Variants in LRP1 observed in about 807,000 individuals in gnomAD.
LRP1 encodes the protein prolow-density lipoprotein receptor-related protein 1.
Under a neutral mutation model 541.5 loss-of-function variants are expected in LRP1, and 51 were observed. That is an observed-to-expected ratio of 0.09 (90% CI 0.08 to 0.12). The LOEUF is 0.12. Ranked by LOEUF, LRP1 falls within the 10% of genes least tolerant of loss-of-function variation. The pLI, the probability that LRP1 is intolerant of heterozygous loss-of-function variation, is 1.00. For missense variants in LRP1, 3,878 were observed against 6,376.2 expected (o/e 0.61, Z 13.34); for synonymous variants, 2,219 against 2,470.8 (o/e 0.90, Z 3.02).
Position 57,179,211 on chromosome 12 carries a change from C to T in LRP1, c.4739-118C>T, listed in dbSNP as rs1021946745. The T allele has an allele frequency of 3.9e-5, 46 of 1,167,566 alleles. No individual in the cohort carries two copies. The highest frequency in any genetic ancestry group is 5.1e-5 in the Non-Finnish European group (42 of 817,018). 72.3% of individuals were successfully genotyped at this position (1,167,566 alleles called of 1,614,324 possible). A position where few individuals can be genotyped will look rare whatever the true frequency, so the allele number is the denominator to read the frequency against. ...GGGGCTGCACCCAGCGGGGTATGTCCACGGAGCCAAGGGCCAGTAGCAAAC... is the reference window on the plus strand; with the variant it reads ...GGGGCTGCACCCAGCGGGGTATGTCTACGGAGCCAAGGGCCAGTAGCAAAC... On this transcript the variant is annotated intron_variant, in intron 28 of 88. Transcript: ENST00000243077. The surrounding 1 kb of genome is among the most constrained non-coding windows in gnomAD (Gnocchi z 6.8).
In LRP1 at chr12:57,198,323, G is replaced by A. The variant is rs1419496545; in HGVS notation, c.9450G>A (p.Leu3150=). ...CTGGCCTCCGTGAGCCCAGGGCTCTGGTGGTGGATGTGCAGAATGGGTATG... is the reference window on the plus strand; with the variant it reads ...CTGGCCTCCGTGAGCCCAGGGCTCTAGTGGTGGATGTGCAGAATGGGTATG... The part of the protein sequence containing the change: ...VSSGLREPRA[L]VVDVQNGYLY... The change falls in exon 59 of 89, where the codon CTG becomes CTA. Residue 3150 remains leucine, a synonymous_variant. Transcript: ENST00000243077. 6.2e-7 allele frequency: 1 copy of A among 1,613,666 alleles called. No individual in the cohort carries two copies. Among genetic ancestry groups the A allele is most frequent in the South Asian group, 1.1e-5 (1 of 91,058 alleles).
chr12:57,197,724 C>A lies in LRP1; in HGVS notation c.9282+60C>A. ...CCGCCTCAGATGACTGTTTTCAGAT[C>A]GTCTCTCCTTCCCGCCCCACCAACC... On this transcript the variant is annotated intron_variant, in intron 58 of 88. Transcript: ENST00000243077. The surrounding 1 kb of genome is among the most constrained non-coding windows in gnomAD (Gnocchi z 4.5). 2 of 1,590,642 alleles carry A rather than the reference C, an allele frequency of 1.3e-6. No individual in the cohort carries two copies. The highest frequency in any genetic ancestry group is 1.8e-5 in the Admixed American group (1 of 56,928).
chr12:57,147,091 T>C (rs2035425494), intron 6 of LRP1, among the ~76,000 whole-genome samples: 1 of 151,914 alleles, frequency 6.6e-6, no homozygotes, highest in African/African-American at 2.4e-5. Context: ...CAGATTTGCC[T>C]TGCCTCCCAG....
At chr12:57,132,312 C>G (rs991875600) in intron 1 of LRP1, among the ~76,000 whole-genome samples, 4 of 152,100 alleles carry the variant, frequency 2.6e-5, no homozygotes, top group Non-Finnish European at 5.9e-5. Context: ...TCTTGCTCCC[C>G]TAGGGGAGAT....
At chr12:57,175,208 G>A (rs1451866524) in intron 22 of LRP1, among the ~76,000 whole-genome samples, 1 of 152,172 alleles carries the variant, frequency 6.6e-6, no homozygotes. Flanking sequence ...ATTGAGGGGT[G>A]CTCCCTGTGG....
chr12:57,199,914 C>T lies in LRP1; in HGVS notation c.9903C>T (p.Cys3301=). The part of the protein sequence containing the change: ...NHPCKVNNGG[C]SNLCLLSPGG... Reference sequence around the variant, plus strand: ...CCTGCAAGGTCAACAATGGTGGCTGCAGCAACCTGTGCCTGCTGTCCCCCG... The same window carrying T: ...CCTGCAAGGTCAACAATGGTGGCTGTAGCAACCTGTGCCTGCTGTCCCCCG... The change falls in exon 62 of 89, where the codon TGC becomes TGT. Residue 3301 remains cysteine (C), a synonymous_variant. Coordinates refer to ENST00000243077, the MANE Select transcript of LRP1 (RefSeq NM_002332.3). The T allele has an allele frequency of 6.3e-7, 1 of 1,595,942 alleles. No homozygotes were observed. Among genetic ancestry groups the T allele is most frequent in the Non-Finnish European group, 8.5e-7 (1 of 1,173,372 alleles).
Position 57,145,202 on chromosome 12 carries a change from G to A in LRP1, c.578-25G>A, listed in dbSNP as rs374350334. ...GGTGGTCCTAGAGCCCTGGCTGCAC[G>A]GACTCTTCTCTTCCCCATTCCCAGA... On this transcript the variant is annotated intron_variant, in intron 5 of 88. Transcript: ENST00000243077. 178 of 1,613,788 alleles carry A rather than the reference G, an allele frequency of 1.1e-4. No homozygotes were observed. The African/African-American group carries it at 1.9e-3, about 17-fold the overall frequency.
chr12:57,199,758 G>A, intron 61 of LRP1, 119 bp from the exon 62 acceptor site: 1 of 1,237,952 alleles, frequency 8.1e-7, no homozygotes, highest in Non-Finnish European at 1.1e-6. Flanking sequence ...TCCAGCTTCA[G>A]CTCCCTCCTA....
chr12:57,172,569 G>A (rs1290726514), intron 20 of LRP1, among the ~76,000 whole-genome samples: 4 of 151,994 alleles, frequency 2.6e-5, no homozygotes, highest in African/African-American at 9.7e-5. Flanking sequence ...GGATCCTCTG[G>A]GCTCACTCGC....
At chr12:57,170,127 C>T (rs1174912726) in intron 20 of LRP1, among the ~76,000 whole-genome samples, 4 of 152,164 alleles carry the variant, frequency 2.6e-5, no homozygotes, top group African/African-American at 9.7e-5. Flanking sequence ...AAGCTTGACC[C>T]GATCTCTGCC....
In LRP1 at chr12:57,211,644, T is replaced by C; in HGVS notation, c.13193+56T>C. 1 of 1,603,786 alleles carries C rather than the reference T, an allele frequency of 6.2e-7. No individual in the cohort carries two copies. The highest frequency in any genetic ancestry group is 8.5e-7 in the Non-Finnish European group (1 of 1,170,926). ...AGATCATCGCTCCCTTCCCCAGATT[T>C]GAGCAGGAGGACCGTCAGGCCTCAG... On this transcript the variant is annotated intron_variant, in intron 85 of 88. Transcript: ENST00000243077. This position sits in a 1 kb window ranked among gnomAD's most constrained non-coding sequence, Gnocchi z 4.3.
In LRP1 at chr12:57,173,799, G is replaced by A. The variant is rs749087081; in HGVS notation, c.3366G>A (p.Ala1122=). ...CKDSARCISK[A]WVCDGDNDCE... is the part of the protein sequence containing the mutation. ...CCTCAGCTCGGTGCATCAGCAAAGC[G>A]TGGGTGTGTGATGGCGACAATGACT... is the stretch of plus-strand genomic sequence containing the variant. The change falls in exon 22 of 89, where the codon GCG becomes GCA. Residue 1122 remains alanine, a synonymous_variant. Coordinates refer to ENST00000243077, the MANE Select transcript of LRP1 (RefSeq NM_002332.3). The surrounding 1 kb of genome is among the most constrained non-coding windows in gnomAD (Gnocchi z 4.7). 38 of 1,614,242 alleles carry A rather than the reference G, an allele frequency of 2.4e-5. No homozygotes were observed. The highest frequency in any genetic ancestry group is 1.6e-4 in the Middle Eastern group (1 of 6,062).
In LRP1 at chr12:57,211,493, G is replaced by A. The variant is rs771447920; in HGVS notation, c.13098G>A (p.Thr4366=). ...CTCTGATTCCTTCCTGCAGCTGCAC[G>A]GATGGCCGGGTGGCCCCCAGCTGTC... ...KQSGDVTCNC[T]DGRVAPSCLT... Residue 4366 remains threonine (T), a synonymous_variant, in exon 85 of 89, where the codon ACG becomes ACA. Transcript: ENST00000243077. The surrounding 1 kb of genome is among the most constrained non-coding windows in gnomAD (Gnocchi z 4.3). 1.1e-4 allele frequency: 185 copies of A among 1,613,678 alleles called. No homozygotes were observed. The highest frequency in any genetic ancestry group is 1.5e-4 in the Non-Finnish European group (174 of 1,180,022).
intron 30 of LRP1, 39 bp from the exon 31 acceptor site, chr12:57,180,008 G>A: frequency 1.2e-6 from 2 of 1,613,852 alleles, no homozygotes; most frequent in Non-Finnish European, 1.7e-6. Context: ...CTGGGAAGAA[G>A]AGGACCCTGA....
intron 1 of LRP1, 199 bp downstream of exon 1, chr12:57,129,230 CGG>C: frequency 1.7e-6 from 1 of 589,124 alleles, no homozygotes; most frequent in Non-Finnish European, 3.0e-6. Context: ...ATGATGCTTC[CGG>C]GGCCCCCCAG....
rs552582577 is a variant in LRP1 at position 57,206,662 on chromosome 12, G to A, written c.11780G>A (p.Arg3927His). Reference sequence around the variant, plus strand: ...TGGCACACGGGCACCATCTCCTACCGCAGCCTGCCACCTGCTGCGCCTCCT... The same window carrying A: ...TGGCACACGGGCACCATCTCCTACCACAGCCTGCCACCTGCTGCGCCTCCT... ...TNWHTGTISY[R>H]SLPPAAPPTT... The change falls in exon 76 of 89, where the codon CGC (arginine) becomes CAC (histidine). Residue 3927 changes from arginine (R) to histidine (H), a missense_variant. This residue lies in a region of LRP1 where 871 missense variants were observed against 1,212.4 expected (regional missense o/e 0.72). Coordinates refer to ENST00000243077, the MANE Select transcript of LRP1 (RefSeq NM_002332.3). The surrounding 1 kb of genome is among the most constrained non-coding windows in gnomAD (Gnocchi z 4.7). 1.2e-4 allele frequency: 192 copies of A among 1,613,826 alleles called. 1 individual carries two copies. In the South Asian group the frequency reaches 1.7e-3, roughly 15 times the overall value.
At position 57,194,430 on chromosome 12, in the gene LRP1, C is replaced by G. The variant is rs1204641817; in HGVS notation, c.7995C>G (p.Leu2665=). 3 of 1,537,970 alleles carry G rather than the reference C, an allele frequency of 2.0e-6. No homozygotes were observed. Among genetic ancestry groups the G allele is most frequent in the East Asian group, 2.3e-5 (1 of 44,010 alleles). ...VLFQPCERTS[L]CYAPSWVCDG... is the part of the protein sequence containing the mutation. ...TCCAGCCCTGCGAGCGGACCTCACT[C>G]TGCTACGCACCCAGCTGGGTGTGTG... Residue 2665 remains leucine, a synonymous_variant, in exon 49 of 89, where the codon CTC becomes CTG. Coordinates refer to ENST00000243077, the MANE Select transcript of LRP1 (RefSeq NM_002332.3).
In LRP1 at chr12:57,202,543, T is replaced by TGGGCCCCCCCCC; in HGVS notation, c.10711+6_10711+7insGGGCCCCCCCCC. On this transcript the variant is annotated splice_region_variant and intron_variant, in intron 68 of 88. Coordinates refer to ENST00000243077, the MANE Select transcript of LRP1 (RefSeq NM_002332.3). Reference sequence around the variant, plus strand: ...CTCCGATGAAGAGAGCTGCAGTACGTCCCCACCCACCCAGCCCCGCATGAG... The same window carrying TGGGCCCCCCCCC: ...CTCCGATGAAGAGAGCTGCAGTACGTGGGCCCCCCCCCCCCCACCCACCCAGCCCCGCATGAG... 1.3e-6 allele frequency: 2 copies of TGGGCCCCCCCCC among 1,523,620 alleles called. No homozygotes were observed. Among genetic ancestry groups the TGGGCCCCCCCCC allele is most frequent in the African/African-American group, 1.4e-5 (1 of 71,846 alleles). The allele number at this position is 1,523,620 out of a possible 1,614,324, so 94.4% of individuals were successfully genotyped here.
chr12:57,166,238 GCACCCCT>G (rs765733947), intron 17 of LRP1, 29 bp downstream of exon 17: 74 of 1,571,396 alleles, frequency 4.7e-5, no homozygotes, highest in Non-Finnish European at 6.0e-5. Context: ...ATCACACGAG[GCACCCCT>G]CAGTCAAGGA....
Sources: allele counts gnomAD v4.1 joint callset (sites outside exome capture counted in the v4.1 genomes callset), GRCh38; gene constraint gnomAD v4.1.1; regional missense constraint gnomAD v4.1.1; non-coding constraint Gnocchi (gnomAD v3.1); transcripts MANE v1.5; gene names NCBI Gene and HGNC (gene_info 2026-07-23, HGNC 2026-07-21).